The following KLRG1 variants were observed in gnomAD, a reference collection of about 807,000 sequenced individuals.
The protein encoded by KLRG1 is killer cell lectin like receptor G1, also known as killer cell lectin-like receptor subfamily G member 1.
KLRG1 carries 16 observed loss-of-function variants against 21.8 expected under a neutral mutation model. The observed-to-expected ratio is 0.73, with a 90% CI of 0.50 to 1.11. KLRG1 has a LOEUF of 1.11. KLRG1 is among the 50% of genes most tolerant of loss of function. KLRG1 has a pLI of 0.00. For missense variants in KLRG1, 173 were observed against 218.3 expected, an observed-to-expected ratio of 0.79 and a Z score of 1.31; for synonymous variants, 69 against 75.9, an observed-to-expected ratio of 0.91 and a Z score of 0.47.
the KLRG1 span, among the ~76,000 whole-genome samples, chr12:9,187,226 A>G: frequency 0.56 from 85,093 of 151,816 alleles, 23,878 homozygotes; most frequent in Admixed American, 0.63. Context: ...AGAGACTCAG[A>G]CTCCCACACA....
At chr12:9,166,997 C>G in the KLRG1 span, 6 of 152,286 alleles carry the variant, frequency 3.9e-5, no homozygotes, top group Admixed American at 2.0e-4. Context: ...AAATATATTT[C>G]TAGCAATTTC....
the KLRG1 span, among the ~76,000 whole-genome samples, chr12:9,116,654 T>G: frequency 1.1e-4 from 16 of 152,308 alleles, no homozygotes; most frequent in South Asian, 8.3e-4. Context: ...ATAAATGATT[T>G]CATTAATCCA....
chr12:9,021,545 C>T, the KLRG1 span, among the ~76,000 whole-genome samples: 4 of 151,326 alleles, frequency 2.6e-5, no homozygotes, highest in South Asian at 2.1e-4. Context: ...GGCCTACAGG[C>T]GCACGCCACC....
chr12:8,978,640 T>TTTTCTTTTC (rs1555140710), intron 1 of KLRG1, among the ~76,000 whole-genome samples: 6 of 107,806 alleles, frequency 5.6e-5, no homozygotes, highest in African/African-American at 1.8e-4. Context: ...TTTTTCTTTC[T>TTTTCTTTTC]TTTCTTTCTT....
At chr12:9,040,790 G>T in the KLRG1 span, among the ~76,000 whole-genome samples, 270 of 152,286 alleles carry the variant, frequency 1.8e-3, no homozygotes, top group Middle Eastern at 3.4e-3. Context: ...ATCACTGAAA[G>T]ATTTCAAACA....
the KLRG1 span, among the ~76,000 whole-genome samples, chr12:9,080,819 A>G: frequency 6.6e-5 from 10 of 152,274 alleles, no homozygotes; most frequent in African/African-American, 2.2e-4. Flanking sequence ...GAAGTATGGT[A>G]TTTATTTTCA....
the KLRG1 span, among the ~76,000 whole-genome samples, chr12:9,083,684 G>T: frequency 6.6e-6 from 1 of 150,520 alleles, no homozygotes; most frequent in African/African-American, 2.4e-5. Context: ...ATTAAAGAAA[G>T]TCCAGAAGAA....
chr12:9,181,007 A>G, the KLRG1 span: 6 of 1,613,866 alleles, frequency 3.7e-6, no homozygotes, highest in Non-Finnish European at 5.1e-6. Flanking sequence ...GCTCAGCCTC[A>G]GGCTTCATGA....
chr12:9,194,218 T>G, the KLRG1 span: 1 of 1,612,716 alleles, frequency 6.2e-7, no homozygotes. Flanking sequence ...TGGGCACACC[T>G]TTTCCATCCA....
chr12:9,093,708 A>G, the KLRG1 span: 1 of 541,378 alleles, frequency 1.8e-6, no homozygotes, highest in Non-Finnish European at 3.1e-6. Flanking sequence ...GAAGGAGGAG[A>G]GGGCGCTTGG....
In KLRG1 at chr12:8,956,442, A is replaced by AT. The variant is rs201472387; in HGVS notation, c.-156+6215dup. ...AACATGCTGTAACACCCCCCACCGC[A>AT]TTTTTTTTTCTTTTTCTTTTGAGAC... On this transcript the variant is annotated intron_variant, in intron 1 of 4. Transcript: ENST00000539240. Among the ~76,000 whole-genome samples the AT allele has an allele frequency of 4.8e-3, 721 of 151,018 alleles. 2 individuals are homozygous for AT. The highest frequency in any genetic ancestry group is 0.016 in the African/African-American group (644 of 41,166).
chr12:9,060,854 T>A, the KLRG1 span, among the ~76,000 whole-genome samples: 4 of 152,214 alleles, frequency 2.6e-5, no homozygotes, highest in African/African-American at 9.6e-5. Context: ...GAAGACTATC[T>A]TCACAATTAG....
chr12:9,189,968 G>T, the KLRG1 span, among the ~76,000 whole-genome samples: 1 of 151,994 alleles, frequency 6.6e-6, no homozygotes, highest in Non-Finnish European at 1.5e-5. Flanking sequence ...AGTCAGAATG[G>T]CTATTATTAA....
chr12:9,051,737 T>C, the KLRG1 span, among the ~76,000 whole-genome samples: 3 of 152,222 alleles, frequency 2.0e-5, no homozygotes, highest in Non-Finnish European at 4.4e-5. Context: ...TCTCAACTGA[T>C]TTCTCTAGCC....
the KLRG1 span, chr12:9,196,346 A>G: frequency 6.2e-7 from 1 of 1,610,204 alleles, no homozygotes; most frequent in East Asian, 2.2e-5. Context: ...AAAAAAGGGG[A>G]TTCCTTGTCT....
the KLRG1 span, among the ~76,000 whole-genome samples, chr12:9,174,232 G>A: frequency 6.6e-6 from 1 of 152,084 alleles, no homozygotes; most frequent in Non-Finnish European, 1.5e-5. Context: ...AAAACCACAT[G>A]GTTATCTCAA....
the KLRG1 span, among the ~76,000 whole-genome samples, chr12:9,169,274 C>T: frequency 7.0e-3 from 1,059 of 152,242 alleles, 11 homozygotes; most frequent in African/African-American, 0.024. Flanking sequence ...GTGTGATCCT[C>T]ACAAGAGACT....
the KLRG1 span, among the ~76,000 whole-genome samples, chr12:9,159,391 A>G: frequency 2.0e-5 from 3 of 152,318 alleles, no homozygotes; most frequent in African/African-American, 7.2e-5. Context: ...CAGGGTAGCT[A>G]TAAGAATTAA....
At chr12:9,137,295 C>T in the KLRG1 span, among the ~76,000 whole-genome samples, 1 of 152,042 alleles carries the variant, frequency 6.6e-6, no homozygotes, top group Admixed American at 6.5e-5. Flanking sequence ...TATCCATTCC[C>T]CCTAGTGTAT....
Sources: allele counts gnomAD v4.1 joint callset (sites outside exome capture counted in the v4.1 genomes callset), GRCh38; gene constraint gnomAD v4.1.1; transcripts MANE v1.5; gene names NCBI Gene and HGNC (gene_info 2026-07-23, HGNC 2026-07-21).